Variants in DMTN observed in about 807,000 individuals in gnomAD.
The protein encoded by DMTN is dematin.
A neutral mutation model predicts 59.4 loss-of-function variants in DMTN; 27 were observed. The ratio of observed to expected loss-of-function variants is 0.45; its 90% CI spans 0.33 to 0.63. DMTN has a LOEUF of 0.63. Among genes scored for constraint, DMTN ranks in the 20% least tolerant of loss-of-function variants. The pLI is 0.02. For synonymous variants in DMTN, 221 were observed against 203.7 expected, an observed-to-expected ratio of 1.08 and a Z score of -0.72; for missense variants, 451 against 528.9, an observed-to-expected ratio of 0.85 and a Z score of 1.45.
intron 1 of DMTN, among the ~76,000 whole-genome samples, chr8:22,063,564 C>T (rs2130728238): frequency 6.6e-6 from 1 of 152,296 alleles, no homozygotes; most frequent in Non-Finnish European, 1.5e-5. Flanking sequence ...ACCTCCTGTC[C>T]CAAATGCATC....
At chr8:22,074,191 T>A (rs542933330) in intron 10 of DMTN, among the ~76,000 whole-genome samples, 1 of 152,298 alleles carries the variant, frequency 6.6e-6, no homozygotes, top group African/African-American at 2.4e-5. Context: ...GGTATTGTGA[T>A]CAAGGTGCGC....
intron 10 of DMTN, among the ~76,000 whole-genome samples, chr8:22,074,722 A>G (rs921940480): frequency 2.0e-4 from 30 of 152,308 alleles, no homozygotes; most frequent in African/African-American, 4.8e-4. Context: ...ATTACAGAGT[A>G]CAGGGTACAC....
chr8:22,058,469 G>A lies in DMTN; in HGVS notation c.-172+1333G>A, dbSNP rs993482387. On this transcript the variant is annotated intron_variant, in intron 1 of 15. Transcript: ENST00000358242. This position sits in a 1 kb window ranked among gnomAD's most constrained non-coding sequence, Gnocchi z 4.3. The stretch of plus-strand genomic sequence containing the variant: ...CTGCAGGATGCAGAAAGCAGAAAGC[G>A]GGGTCTCTTCAGAGGGTGGGTGGAG... Among the ~76,000 whole-genome samples, 1 of 152,222 alleles carries A rather than the reference G, an allele frequency of 6.6e-6. No homozygotes were observed. The highest frequency in any genetic ancestry group is 2.4e-5 in the African/African-American group (1 of 41,460).
chr8:22,079,216 C>G (rs1333883694), intron 10 of DMTN, among the ~76,000 whole-genome samples: 2 of 142,314 alleles, frequency 1.4e-5, no homozygotes, highest in African/African-American at 5.2e-5. Context: ...TCAAGACCAG[C>G]CTGGGTACCA....
chr8:22,069,594 C>A, intron 6 of DMTN, 76 bp downstream of exon 6: 1 of 1,266,572 alleles, frequency 7.9e-7, no homozygotes, highest in Non-Finnish European at 1.1e-6. Context: ...TACGCTCAGT[C>A]CCCCACTCTC....
intron 10 of DMTN, among the ~76,000 whole-genome samples, chr8:22,078,675 T>A (rs1821542585): frequency 6.6e-6 from 1 of 151,756 alleles, no homozygotes; most frequent in Admixed American, 6.6e-5. Flanking sequence ...AATTTAGAGA[T>A]CCTATTAAAT....
rs1161850339 is a variant in DMTN at position 22,060,573 on chromosome 8, G to A, written c.-172+3437G>A. On this transcript the variant is annotated intron_variant, in intron 1 of 15. Transcript: ENST00000358242. This position sits in a 1 kb window ranked among gnomAD's most constrained non-coding sequence, Gnocchi z 5.0. ...GCTAGGCCCACGTTTACGTGCAAAT[G>A]CCCCACAAGGGGTAAGACAAAATTT... Among the ~76,000 whole-genome samples, 1 of 152,244 alleles carries A rather than the reference G, an allele frequency of 6.6e-6. No homozygotes were observed. The highest frequency in any genetic ancestry group is 2.4e-5 in the African/African-American group (1 of 41,456).
At chr8:22,057,891 G>A (rs2130248586) in intron 1 of DMTN, 1 of 152,634 alleles carries the variant, frequency 6.6e-6, no homozygotes, top group Admixed American at 6.5e-5. Context: ...AGTCAGGGGA[G>A]CAGGGACAGG....
chr8:22,070,127 A>T, intron 7 of DMTN, 55 bp from the exon 8 acceptor site: 1 of 1,556,760 alleles, frequency 6.4e-7, no homozygotes, highest in African/African-American at 1.4e-5. Flanking sequence ...GGGTGAAGGT[A>T]GCCAAGTTGG....
At chr8:22,074,399 G>C (rs1202765797) in intron 10 of DMTN, among the ~76,000 whole-genome samples, 4 of 152,174 alleles carry the variant, frequency 2.6e-5, no homozygotes, top group African/African-American at 9.7e-5. Context: ...TCAGCCTTCT[G>C]AGTAGCTGGG....
intron 9 of DMTN, 72 bp downstream of exon 9, chr8:22,072,522 T>A (rs531043509): frequency 6.9e-7 from 1 of 1,450,194 alleles, no homozygotes; most frequent in Non-Finnish European, 9.2e-7. Context: ...TGGCATGCAG[T>A]GGCATGATCT....
chr8:22,080,917 G>A, intron 14 of DMTN, 47 bp downstream of exon 14: 1 of 1,528,038 alleles, frequency 6.5e-7, no homozygotes, highest in Non-Finnish European at 8.8e-7. Flanking sequence ...GGGAGGCTGG[G>A]GAGATGCCAG....
At chr8:22,049,428 C>A (rs1228058580), upstream of DMTN, among the ~76,000 whole-genome samples, 2 of 151,862 alleles carry the variant, frequency 1.3e-5, no homozygotes, top group Non-Finnish European at 2.9e-5. Context: ...CGGCCTTGCC[C>A]CCACCCCAGC....
chr8:22,049,976 C>A (rs762040636), upstream of DMTN, among the ~76,000 whole-genome samples: 1 of 152,180 alleles, frequency 6.6e-6, no homozygotes, highest in Non-Finnish European at 1.5e-5. Context: ...AGTCTGACAC[C>A]CCCACCACGG....
At chr8:22,063,379 C>G (rs1395867664) in intron 1 of DMTN, among the ~76,000 whole-genome samples, 1 of 152,224 alleles carries the variant, frequency 6.6e-6, no homozygotes, top group Non-Finnish European at 1.5e-5. Flanking sequence ...CCTGTCCAGT[C>G]TGGCTCTCAG....
intron 5 of DMTN, 70 bp downstream of exon 5, chr8:22,069,130 A>C (rs1333301251): frequency 1.3e-6 from 2 of 1,537,846 alleles, no homozygotes; most frequent in Non-Finnish European, 1.8e-6. Context: ...CTCCCCTCAC[A>C]CATCAGACCA....
intron 4 of DMTN, among the ~76,000 whole-genome samples, chr8:22,068,468 T>C (rs182358231): frequency 6.1e-4 from 93 of 152,206 alleles, no homozygotes; most frequent in African/African-American, 2.1e-3. Flanking sequence ...CTCAGGAGGC[T>C]GAGGTGGGAG....
chr8:22,075,979 G>C (rs1320902391), intron 10 of DMTN, among the ~76,000 whole-genome samples: 1 of 152,206 alleles, frequency 6.6e-6, no homozygotes, highest in Non-Finnish European at 1.5e-5. Flanking sequence ...AGAGGGAATG[G>C]ATTTGAGAAC....
At chr8:22,073,915 A>G (rs55686889) in intron 10 of DMTN, 80 bp downstream of exon 10, 172,329 of 1,192,664 alleles carry the variant, frequency 0.14, 15,720 homozygotes, top group African/African-American at 0.39. Context: ...CTTGTGACAC[A>G]TACAGGATGC....
Sources: allele counts gnomAD v4.1 joint callset (sites outside exome capture counted in the v4.1 genomes callset), GRCh38; gene constraint gnomAD v4.1.1; non-coding constraint Gnocchi (gnomAD v3.1); transcripts MANE v1.5; gene names NCBI Gene and HGNC (gene_info 2026-07-23, HGNC 2026-07-21).